Variants in MIA2 observed in about 807,000 individuals in gnomAD.
MIA2 encodes the protein melanoma inhibitory activity protein 2.
Under a neutral mutation model 167.8 loss-of-function variants are expected in MIA2, and 127 were observed. The ratio of observed to expected loss-of-function variants is 0.76; its 90% confidence interval spans 0.66 to 0.88. The LOEUF is 0.88. MIA2 is among the 40% of genes least tolerant of loss of function. MIA2 has a pLI of 0.00. For synonymous variants in MIA2, 552 were observed against 541.9 expected (o/e 1.02, Z -0.26); for missense variants, 1,690 against 1,624.7 (o/e 1.04, Z -0.69).
At chr14:39,343,593 A>AT (rs568688542) in intron 25 of MIA2, among the ~76,000 whole-genome samples, 106 of 152,008 alleles carry the variant, frequency 7.0e-4, no homozygotes, top group Admixed American at 3.3e-3. Flanking sequence ...CTCCTTATTC[A>AT]TTTTTTTCTT....
intron 9 of MIA2, among the ~76,000 whole-genome samples, chr14:39,285,805 TG>T (rs1361793334): frequency 7.9e-6 from 1 of 127,296 alleles, no homozygotes; most frequent in Non-Finnish European, 1.7e-5. Flanking sequence ...ACTTCTCAGA[TG>T]GGGCGGCCGG....
At chr14:39,376,187 C>T (rs1001539165) in intron 23 of MIA2, among the ~76,000 whole-genome samples, 3 of 152,160 alleles carry the variant, frequency 2.0e-5, no homozygotes, top group Admixed American at 6.5e-5. Context: ...CTCCTGGCCT[C>T]AAGTGATCTG....
chr14:39,267,144 G>C, intron 6 of MIA2: 1 of 1,157,154 alleles, frequency 8.6e-7, no homozygotes, highest in Non-Finnish European at 1.1e-6. Flanking sequence ...CCTTCTCGCG[G>C]CTGCCCGGCC....
At chr14:39,386,031 T>C in intron 23 of MIA2, 1 of 1,054,260 alleles carries the variant, frequency 9.5e-7, no homozygotes, top group South Asian at 1.4e-5. Flanking sequence ...ATGACAACTC[T>C]GGGCCCGGAC....
chr14:39,242,872 C>G (rs1429307146), intron 3 of MIA2, among the ~76,000 whole-genome samples: 1 of 151,742 alleles, frequency 6.6e-6, no homozygotes, highest in Non-Finnish European at 1.5e-5. Context: ...TCTGTAATCC[C>G]AGCACTTTGG....
At chr14:39,383,878 T>A (rs1467795078) in intron 23 of MIA2, among the ~76,000 whole-genome samples, 3 of 152,176 alleles carry the variant, frequency 2.0e-5, no homozygotes, top group African/African-American at 4.8e-5. Context: ...AGGAGAAAAG[T>A]TTGATGCTAG....
chr14:39,277,764 A>ATG (rs1280826524), intron 7 of MIA2, among the ~76,000 whole-genome samples: 1 of 31,772 alleles, frequency 3.1e-5, no homozygotes, highest in African/African-American at 1.3e-4. Flanking sequence ...ATATATATAT[A>ATG]TATATATATA....
intron 25 of MIA2, among the ~76,000 whole-genome samples, chr14:39,340,364 A>G (rs1421623538): frequency 6.6e-6 from 1 of 152,206 alleles, no homozygotes; most frequent in Non-Finnish European, 1.5e-5. Flanking sequence ...CTTTTTCTTA[A>G]AGAGCTGAAC....
intron 25 of MIA2, among the ~76,000 whole-genome samples, chr14:39,330,929 A>G (rs1054282691): frequency 2.0e-5 from 3 of 152,122 alleles, no homozygotes; most frequent in Non-Finnish European, 2.9e-5. Flanking sequence ...AGAAAAATGT[A>G]TATTTTGTTG....
At chr14:39,349,109 C>A in intron 28 of MIA2, 132 bp downstream of exon 28, 1 of 1,191,014 alleles carries the variant, frequency 8.4e-7, no homozygotes, top group East Asian at 2.6e-5. Context: ...TCTGAAAATT[C>A]TCATTACTTT....
intron 14 of MIA2, among the ~76,000 whole-genome samples, chr14:39,301,474 T>C (rs1360950592): frequency 6.6e-6 from 1 of 152,228 alleles, no homozygotes; most frequent in Non-Finnish European, 1.5e-5. Flanking sequence ...CTCAAAGGTA[T>C]AGGCCATGTT....
chr14:39,277,716 GTGTGTATA>G (rs1486988310), intron 7 of MIA2, among the ~76,000 whole-genome samples: 66 of 2,248 alleles, frequency 0.029, 15 homozygotes, highest in African/African-American at 0.099. Context: ...ATATATATAT[GTGTGTATA>G]TATATATATA....
At chr14:39,345,005 C>T (rs752036572) in intron 25 of MIA2, among the ~76,000 whole-genome samples, 1 of 152,122 alleles carries the variant, frequency 6.6e-6, no homozygotes, top group African/African-American at 2.4e-5. Flanking sequence ...AGATGTTCTT[C>T]GTTTCAGCAG....
At chr14:39,254,118 T>TG (rs937971660) in intron 6 of MIA2, among the ~76,000 whole-genome samples, 2 of 151,828 alleles carry the variant, frequency 1.3e-5, no homozygotes, top group African/African-American at 4.8e-5. Flanking sequence ...GTAGAGAGGG[T>TG]GGGGAGAAGG....
At chr14:39,327,052 T>C in intron 25 of MIA2, 30 bp downstream of exon 25, 1 of 1,426,640 alleles carries the variant, frequency 7.0e-7, no homozygotes, top group African/African-American at 1.5e-5. Flanking sequence ...ATTATTTCTC[T>C]TTGAAAGGCA....
intron 17 of MIA2, among the ~76,000 whole-genome samples, chr14:39,306,102 AT>A (rs894041748): frequency 1.9e-4 from 28 of 149,192 alleles, no homozygotes; most frequent in Admixed American, 3.3e-4. Flanking sequence ...AGGTCAATGA[AT>A]TTTTTTTTTT....
intron 9 of MIA2, among the ~76,000 whole-genome samples, chr14:39,289,289 A>T (rs1420168304): frequency 6.6e-6 from 1 of 151,472 alleles, no homozygotes; most frequent in East Asian, 1.9e-4. Context: ...ATCTCGACTC[A>T]CTGCAACTTC....
chr14:39,344,347 T>A (rs2072726543), intron 25 of MIA2, among the ~76,000 whole-genome samples: 1 of 152,226 alleles, frequency 6.6e-6, no homozygotes, highest in African/African-American at 2.4e-5. Flanking sequence ...TAATCCTTTG[T>A]TTGAAGTAGA....
At chr14:39,297,666 C>CGTGTGTGTGTGTGTGTGTGTGTGT (rs71435638) in intron 13 of MIA2, among the ~76,000 whole-genome samples, 18 of 140,172 alleles carry the variant, frequency 1.3e-4, no homozygotes, top group African/African-American at 3.2e-4. Context: ...TAGGGTTTTG[C>CGTGTGTGTGTGTGTGTGTGTGTGT]GTGTGTGTGT....
Sources: allele counts gnomAD v4.1 joint callset (sites outside exome capture counted in the v4.1 genomes callset), GRCh38; gene constraint gnomAD v4.1.1; transcripts MANE v1.5; gene names NCBI Gene and HGNC (gene_info 2026-07-23, HGNC 2026-07-21).